Variants in C1QTNF3 observed in about 807,000 individuals in gnomAD.
C1QTNF3 encodes the protein complement C1q tumor necrosis factor-related protein 3.
C1QTNF3 carries 26 observed loss-of-function variants against 32.6 expected under a neutral mutation model. The ratio of observed to expected loss-of-function variants is 0.80; its 90% CI spans 0.58 to 1.11. The LOEUF (loss-of-function observed/expected upper bound fraction) is 1.11, where lower values mean the gene tolerates loss of function less well. Ranked by LOEUF, C1QTNF3 falls within the 50% of genes least tolerant of loss-of-function variation. The pLI is 0.00. For missense variants in C1QTNF3, 362 were observed against 398.2 expected, an observed-to-expected ratio of 0.91 and a Z score of 0.77; for synonymous variants, 155 against 146.0, an observed-to-expected ratio of 1.06 and a Z score of -0.44.
intron 1 of C1QTNF3, among the ~76,000 whole-genome samples, chr5:34,039,129 A>G (rs1045721235): frequency 1.3e-5 from 2 of 152,186 alleles, no homozygotes; most frequent in African/African-American, 4.8e-5. Flanking sequence ...ACCTCAAGTG[A>G]GCATGGTTAC....
the C1QTNF3 span, among the ~76,000 whole-genome samples, chr5:34,214,064 C>T: frequency 6.6e-6 from 1 of 150,480 alleles, no homozygotes; most frequent in African/African-American, 2.4e-5. Flanking sequence ...ACCCCCTCGG[C>T]CTCCCAAAGT....
At chr5:34,161,455 T>C in the C1QTNF3 span, among the ~76,000 whole-genome samples, 1 of 152,184 alleles carries the variant, frequency 6.6e-6, no homozygotes, top group African/African-American at 2.4e-5. Context: ...AAAAACTGTA[T>C]ATATAAAATG....
the C1QTNF3 span, among the ~76,000 whole-genome samples, chr5:34,100,069 C>T: frequency 6.6e-5 from 10 of 151,654 alleles, no homozygotes; most frequent in East Asian, 7.8e-4. Context: ...GTTCTGGAGG[C>T]TGGGAAGTCC....
chr5:34,177,108 A>C, the C1QTNF3 span, among the ~76,000 whole-genome samples: 24 of 151,856 alleles, frequency 1.6e-4, no homozygotes, highest in Non-Finnish European at 3.2e-4. Flanking sequence ...AGGAAGGATC[A>C]CTTGAGCCCA....
the C1QTNF3 span, among the ~76,000 whole-genome samples, chr5:34,105,000 T>A: frequency 6.6e-6 from 1 of 152,172 alleles, no homozygotes; most frequent in East Asian, 1.9e-4. Flanking sequence ...TTTTTTTTTT[T>A]ACTTGTCAGA....
chr5:34,136,820 T>C, the C1QTNF3 span, among the ~76,000 whole-genome samples: 1 of 152,160 alleles, frequency 6.6e-6, no homozygotes, highest in Non-Finnish European at 1.5e-5. Flanking sequence ...TATGCAGCCA[T>C]AAAAAAGGAT....
At chr5:34,120,633 A>C in the C1QTNF3 span, among the ~76,000 whole-genome samples, 3 of 152,152 alleles carry the variant, frequency 2.0e-5, no homozygotes, top group Non-Finnish European at 4.4e-5. Flanking sequence ...TGTTCTCATG[A>C]TAGTGAATAA....
At chr5:34,202,149 G>T in the C1QTNF3 span, among the ~76,000 whole-genome samples, 3 of 152,020 alleles carry the variant, frequency 2.0e-5, no homozygotes, top group Non-Finnish European at 4.4e-5. Context: ...CTAGCTCAAG[G>T]GAAGCTGCAT....
chr5:34,074,647 C>A, the C1QTNF3 span, among the ~76,000 whole-genome samples: 5 of 151,738 alleles, frequency 3.3e-5, no homozygotes, highest in African/African-American at 1.2e-4. Context: ...TGCTAACACC[C>A]TCTTACAGAG....
the C1QTNF3 span, among the ~76,000 whole-genome samples, chr5:34,187,655 G>C: frequency 1.3e-5 from 2 of 152,282 alleles, no homozygotes; most frequent in Admixed American, 6.5e-5. Flanking sequence ...GTCAAAATAA[G>C]AATTTTTTTC....
chr5:34,163,636 C>T, the C1QTNF3 span, among the ~76,000 whole-genome samples: 1 of 151,990 alleles, frequency 6.6e-6, no homozygotes, highest in Non-Finnish European at 1.5e-5. Context: ...AAAAGGAGTG[C>T]TCTAGAAGGG....
chr5:34,094,675 TTTTA>T, the C1QTNF3 span, among the ~76,000 whole-genome samples: 3 of 151,838 alleles, frequency 2.0e-5, no homozygotes, highest in African/African-American at 4.8e-5. Context: ...TACATTTCTT[TTTTA>T]TTTTTCTTTC....
At chr5:34,025,280 A>G (rs758096553) in intron 4 of C1QTNF3, among the ~76,000 whole-genome samples, 22 of 152,222 alleles carry the variant, frequency 1.4e-4, no homozygotes, top group Non-Finnish European at 3.2e-4. Context: ...ATACACACAC[A>G]TAATTTTCAA....
chr5:34,044,356 A>G (rs1391108011), upstream of C1QTNF3, among the ~76,000 whole-genome samples: 1 of 152,202 alleles, frequency 6.6e-6, no homozygotes, highest in African/African-American at 2.4e-5. Context: ...TTCTCTCATG[A>G]AAACTGGAGA....
At chr5:34,167,694 CA>C in the C1QTNF3 span, 1 of 152,160 alleles carries the variant, frequency 6.6e-6, no homozygotes, top group African/African-American at 2.4e-5. Context: ...GGAACATATA[CA>C]ACCCAAATGG....
At chr5:34,227,483 T>C in the C1QTNF3 span, among the ~76,000 whole-genome samples, 2 of 152,154 alleles carry the variant, frequency 1.3e-5, no homozygotes, top group South Asian at 2.1e-4. Context: ...CATGGACTTA[T>C]CATTTTCTTA....
At chr5:34,207,667 A>G in the C1QTNF3 span, among the ~76,000 whole-genome samples, 1 of 152,082 alleles carries the variant, frequency 6.6e-6, no homozygotes, top group African/African-American at 2.4e-5. Context: ...CTCACTATCT[A>G]CCTACTGACT....
chr5:34,107,475 T>C, the C1QTNF3 span, among the ~76,000 whole-genome samples: 1 of 151,984 alleles, frequency 6.6e-6, no homozygotes, highest in Non-Finnish European at 1.5e-5. Context: ...ACAATAACTG[T>C]CATCAACAAC....
the C1QTNF3 span, among the ~76,000 whole-genome samples, chr5:34,171,382 C>G: frequency 9.3e-5 from 14 of 151,062 alleles, no homozygotes; most frequent in Non-Finnish European, 1.8e-4. Flanking sequence ...ATATTATATA[C>G]TATAAATTCT....
Sources: allele counts gnomAD v4.1 joint callset (sites outside exome capture counted in the v4.1 genomes callset), GRCh38; gene constraint gnomAD v4.1.1; transcripts MANE v1.5; gene names NCBI Gene and HGNC (gene_info 2026-07-23, HGNC 2026-07-21).